Variants in LMX1A observed in about 807,000 individuals in gnomAD.
The protein encoded by LMX1A is LIM homeobox transcription factor 1-alpha.
Under a neutral mutation model 49.1 loss-of-function variants are expected in LMX1A, and 15 were observed. The ratio of observed to expected loss-of-function variants is 0.31; its 90% confidence interval spans 0.20 to 0.47. The LOEUF (loss-of-function observed/expected upper bound fraction) is 0.47. Ranked by LOEUF, LMX1A falls within the 20% of genes least tolerant of loss-of-function variation. The pLI is 1.00. For synonymous variants in LMX1A, 167 were observed against 185.7 expected, an observed-to-expected ratio of 0.90 and a Z score of 0.82; for missense variants, 372 against 475.8, an observed-to-expected ratio of 0.78 and a Z score of 2.03.
intron 3 of LMX1A, among the ~76,000 whole-genome samples, chr1:165,332,844 A>G (rs148660723): frequency 3.3e-5 from 5 of 152,318 alleles, no homozygotes; most frequent in African/African-American, 1.2e-4. Context: ...TTAAATTTTC[A>G]TGGAAAGGGT....
chr1:165,214,829 A>G (rs943573141), intron 4 of LMX1A, among the ~76,000 whole-genome samples: 3 of 152,252 alleles, frequency 2.0e-5, no homozygotes, highest in African/African-American at 7.2e-5. Context: ...TTGTCTAACT[A>G]TTTGAAATAC....
intron 3 of LMX1A, among the ~76,000 whole-genome samples, chr1:165,334,513 C>T (rs1571228756): frequency 2.0e-5 from 3 of 152,286 alleles, no homozygotes; most frequent in Admixed American, 2.0e-4. Context: ...ATCAAATACC[C>T]ATCCAAGGTC....
intron 3 of LMX1A, among the ~76,000 whole-genome samples, chr1:165,251,948 C>A (rs894886383): frequency 6.6e-6 from 1 of 152,190 alleles, no homozygotes; most frequent in Non-Finnish European, 1.5e-5. Context: ...GATAACCATG[C>A]AAAATCTTGG....
chr1:165,340,345 C>A (rs1010408282), intron 3 of LMX1A, among the ~76,000 whole-genome samples: 2 of 152,154 alleles, frequency 1.3e-5, no homozygotes, highest in Non-Finnish European at 1.5e-5. Context: ...GATCCACCCA[C>A]CTCAGCCTCC....
intron 3 of LMX1A, among the ~76,000 whole-genome samples, chr1:165,259,725 A>G (rs1653366626): frequency 6.6e-6 from 1 of 152,252 alleles, no homozygotes; most frequent in Non-Finnish European, 1.5e-5. Context: ...ACAGAGCCTG[A>G]GACTTAGTCA....
intron 3 of LMX1A, among the ~76,000 whole-genome samples, chr1:165,338,609 C>G (rs539141190): frequency 6.6e-6 from 1 of 152,218 alleles, no homozygotes; most frequent in Non-Finnish European, 1.5e-5. Context: ...TATTACAGTT[C>G]TCTACCCAAG....
At chr1:165,282,153 G>T (rs963715998) in intron 3 of LMX1A, among the ~76,000 whole-genome samples, 15 of 152,126 alleles carry the variant, frequency 9.9e-5, no homozygotes, top group Admixed American at 9.8e-4. Context: ...CATCCATTCA[G>T]CCTCATGGTT....
At chr1:165,346,468 C>G (rs557669482) in intron 3 of LMX1A, among the ~76,000 whole-genome samples, 1 of 152,318 alleles carries the variant, frequency 6.6e-6, no homozygotes, top group East Asian at 1.9e-4. Flanking sequence ...TCATTAAATT[C>G]TAGCTAATCT....
chr1:165,288,702 G>GTGTA (rs957801821), intron 3 of LMX1A, among the ~76,000 whole-genome samples: 6 of 152,366 alleles, frequency 3.9e-5, no homozygotes, highest in African/African-American at 1.4e-4. Context: ...GTGTGTGCGT[G>GTGTA]TGTATGCGTG....
intron 4 of LMX1A, among the ~76,000 whole-genome samples, chr1:165,221,083 TA>T (rs1202962548): frequency 6.6e-6 from 1 of 152,038 alleles, no homozygotes; most frequent in South Asian, 2.1e-4. Flanking sequence ...AAGAAGAAAG[TA>T]AGGTGATCTT....
At chr1:165,234,954 G>C (rs996398399) in intron 4 of LMX1A, among the ~76,000 whole-genome samples, 14 of 152,158 alleles carry the variant, frequency 9.2e-5, no homozygotes, top group African/African-American at 3.4e-4. Context: ...AACATTCATA[G>C]AAAGCAAGTT....
chr1:165,295,572 G>A (rs540339160), intron 3 of LMX1A, among the ~76,000 whole-genome samples: 147 of 151,802 alleles, frequency 9.7e-4, no homozygotes, highest in African/African-American at 3.2e-3. Flanking sequence ...CCTTCCCAAG[G>A]AAAAGGCATC....
At chr1:165,295,938 T>C (rs899777523) in intron 3 of LMX1A, among the ~76,000 whole-genome samples, 2 of 152,170 alleles carry the variant, frequency 1.3e-5, no homozygotes, top group African/African-American at 4.8e-5. Context: ...GGAGGGGATA[T>C]TGCATATTTA....
In LMX1A at chr1:165,341,056, G is replaced by T. The variant is rs138153362; in HGVS notation, c.263+12020C>A. ...CACACTCCTACCAGTGCCCCAGTTT[G>T]CCACCAGAATTACCTTTCCAGAAAA... On this transcript the variant is annotated intron_variant, in intron 3 of 8. Coordinates refer to ENST00000342310, the MANE Select transcript of LMX1A (RefSeq NM_177398.4). Among the ~76,000 whole-genome samples the T allele has an allele frequency of 8.1e-3, 1,228 of 152,212 alleles. 5 individuals carry two copies. Among genetic ancestry groups the T allele is most frequent in the Non-Finnish European group, 0.014 (938 of 68,020 alleles).
intron 5 of LMX1A, chr1:165,213,345 C>T (rs536648256): frequency 3.2e-6 from 1 of 307,720 alleles, no homozygotes; most frequent in Admixed American, 4.7e-5. Context: ...GGGTCTACAC[C>T]ACAATGGACA....
chr1:165,232,067 C>T (rs1652258922), intron 4 of LMX1A, among the ~76,000 whole-genome samples: 2 of 152,082 alleles, frequency 1.3e-5, no homozygotes, highest in Non-Finnish European at 1.5e-5. Context: ...TGGGTATACC[C>T]AAGGTCAAAA....
In LMX1A at chr1:165,262,234, G is replaced by C. The variant is rs1464916543; in HGVS notation, c.264-12594C>G. Among the ~76,000 whole-genome samples the C allele has an allele frequency of 6.6e-5, 10 of 152,106 alleles. No homozygotes were observed. In the East Asian group the frequency reaches 1.5e-3, roughly 23 times the overall value. On this transcript the variant is annotated intron_variant, in intron 3 of 8. Transcript: ENST00000342310. ...TATTGGTGAGGAAAGCGCTAGAAAA[G>C]CTACTGTTTTCTTAATAAAATGAGA...
rs1650940008 is a variant in LMX1A at position 165,203,605 on chromosome 1, G to A, written c.*275C>T. 7.4e-6 allele frequency: 2 copies of A among 270,958 alleles called. No individual in the cohort carries two copies. The highest frequency in any genetic ancestry group is 9.1e-5 in the South Asian group (1 of 10,972). 16.8% of individuals were successfully genotyped at this position (270,958 alleles called of 1,614,324 possible). ...GAGTCCCTAAGTATCTAGTTTGCAT[G>A]AGAATGTCTATATTAAAAGTCTCTG... On this transcript the variant is annotated 3_prime_UTR_variant, in exon 9 of 9. Coordinates refer to ENST00000342310, the MANE Select transcript of LMX1A (RefSeq NM_177398.4).
intron 3 of LMX1A, among the ~76,000 whole-genome samples, chr1:165,334,702 A>G (rs1655850240): frequency 1.3e-5 from 2 of 152,360 alleles, no homozygotes; most frequent in South Asian, 4.1e-4. Flanking sequence ...AGGAATTGAG[A>G]AGAACTTCAC....
Sources: allele counts gnomAD v4.1 joint callset (sites outside exome capture counted in the v4.1 genomes callset), GRCh38; gene constraint gnomAD v4.1.1; transcripts MANE v1.5; gene names NCBI Gene and HGNC (gene_info 2026-07-23, HGNC 2026-07-21).